Variants in IL1RAPL2 observed in about 807,000 individuals in gnomAD.
IL1RAPL2 encodes the protein X-linked interleukin-1 receptor accessory protein-like 2.
A neutral mutation model predicts 44.1 loss-of-function variants in IL1RAPL2; 3 were observed. The ratio of observed to expected loss-of-function variants is 0.07; its 90% CI spans 0.03 to 0.18. IL1RAPL2 has a LOEUF of 0.18. IL1RAPL2 is among the 10% of genes least tolerant of loss of function. The probability of loss-of-function intolerance (pLI) is 1.00; values close to 1 mark genes in which losing one functional copy is unlikely to be tolerated. For synonymous variants in IL1RAPL2, 181 were observed against 178.8 expected, an observed-to-expected ratio of 1.01 and a Z score of -0.10; for missense variants, 391 against 496.4, an observed-to-expected ratio of 0.79 and a Z score of 2.02.
intron 7 of IL1RAPL2, among the ~76,000 whole-genome samples, chrX:105,732,315 A>G (rs1056327491): frequency 8.1e-5 from 9 of 110,645 alleles, no homozygotes; most frequent in Admixed American, 2.9e-4. Flanking sequence ...TGTAATCCCC[A>G]TTGTTGGAGG....
At chrX:104,730,269 A>T (rs932201399) in intron 2 of IL1RAPL2, among the ~76,000 whole-genome samples, 6 of 108,407 alleles carry the variant, frequency 5.5e-5, no homozygotes, top group African/African-American at 1.7e-4. Context: ...CATGTGCACA[A>T]TGTGCAGGTT....
At chrX:105,378,003 A>C (rs2035401093) in intron 5 of IL1RAPL2, among the ~76,000 whole-genome samples, 1 of 111,960 alleles carries the variant, frequency 8.9e-6, no homozygotes, top group African/African-American at 3.2e-5. Flanking sequence ...TTTCTCTATA[A>C]CAAGGCCATT....
At chrX:104,732,548 A>T (rs1481135207) in intron 2 of IL1RAPL2, among the ~76,000 whole-genome samples, 1 of 111,872 alleles carries the variant, frequency 8.9e-6, no homozygotes, top group Non-Finnish European at 1.9e-5. Flanking sequence ...TCATGCAAAA[A>T]TAAAATATAT....
At chrX:104,691,156 T>C (rs1931085441) in intron 2 of IL1RAPL2, among the ~76,000 whole-genome samples, 1 of 112,445 alleles carries the variant, frequency 8.9e-6, no homozygotes, top group South Asian at 3.7e-4. Flanking sequence ...GGCTAAAGAA[T>C]GGAATCAACC....
intron 2 of IL1RAPL2, among the ~76,000 whole-genome samples, chrX:104,983,403 GATAC>G (rs1226698374): frequency 2.2e-5 from 2 of 89,354 alleles, no homozygotes; most frequent in African/African-American, 8.8e-5. Context: ...TATAATATTA[GATAC>G]ATAATATAAT....
chrX:105,226,274 T>G (rs2034013239), intron 3 of IL1RAPL2, among the ~76,000 whole-genome samples: 1 of 110,774 alleles, frequency 9.0e-6, no homozygotes, highest in African/African-American at 3.3e-5. Context: ...TGTTTATTAT[T>G]TCTGACCTAG....
chrX:105,651,101 C>A (rs1336351089), intron 6 of IL1RAPL2, among the ~76,000 whole-genome samples: 1 of 111,559 alleles, frequency 9.0e-6, no homozygotes, highest in East Asian at 2.8e-4. Flanking sequence ...TGAAAGACAG[C>A]AAGGCTGTTT....
intron 2 of IL1RAPL2, among the ~76,000 whole-genome samples, chrX:104,799,865 ATAT>A (rs1260697138): frequency 1.8e-5 from 2 of 111,350 alleles, no homozygotes; most frequent in Non-Finnish European, 3.8e-5. Context: ...TTGGAAATAT[ATAT>A]TATTATTAAC....
chrX:105,158,358 C>CAA (rs764577921), intron 2 of IL1RAPL2, among the ~76,000 whole-genome samples: 1 of 99,192 alleles, frequency 1.0e-5, no homozygotes, highest in Admixed American at 1.1e-4. Flanking sequence ...GACTCCGTCT[C>CAA]AAAAAAAAAA....
chrX:105,264,720 G>T (rs2034388542), intron 4 of IL1RAPL2, among the ~76,000 whole-genome samples: 2 of 111,979 alleles, frequency 1.8e-5, no homozygotes, highest in Non-Finnish European at 3.8e-5. Context: ...TGCTCACATG[G>T]TAGTGAATAT....
At chrX:104,635,827 C>T (rs1602655301) in intron 1 of IL1RAPL2, among the ~76,000 whole-genome samples, 1 of 111,883 alleles carries the variant, frequency 8.9e-6, no homozygotes, top group Non-Finnish European at 1.9e-5. Context: ...TCGTCTGAAG[C>T]CTTCTTCTCT....
chrX:104,733,122 T>G (rs1156280835), intron 2 of IL1RAPL2, among the ~76,000 whole-genome samples: 1 of 111,485 alleles, frequency 9.0e-6, no homozygotes, highest in African/African-American at 3.3e-5. Flanking sequence ...ACAAAAAACT[T>G]TTAAAATTAG....
At chrX:105,672,482 C>A (rs1569464023) in intron 6 of IL1RAPL2, among the ~76,000 whole-genome samples, 1 of 112,161 alleles carries the variant, frequency 8.9e-6, no homozygotes, top group African/African-American at 3.2e-5. Context: ...TATTACTTGG[C>A]AATTGTGAAA....
At chrX:104,778,717 T>G (rs1202787807) in intron 2 of IL1RAPL2, among the ~76,000 whole-genome samples, 2 of 108,917 alleles carry the variant, frequency 1.8e-5, no homozygotes, top group African/African-American at 6.6e-5. Context: ...TTATTTGAGA[T>G]ATATATATAA....
chrX:105,482,223 C>T (rs963521313), intron 5 of IL1RAPL2, among the ~76,000 whole-genome samples: 4 of 111,954 alleles, frequency 3.6e-5, no homozygotes, highest in African/African-American at 6.5e-5. Flanking sequence ...CAATATTTTA[C>T]TATTACAAAT....
chrX:104,854,791 T>G (rs1328296377), intron 2 of IL1RAPL2, among the ~76,000 whole-genome samples: 1 of 111,640 alleles, frequency 9.0e-6, no homozygotes, highest in Non-Finnish European at 1.9e-5. Context: ...AACTGAGAAT[T>G]AATGCCAAAG....
chrX:104,635,860 G>A (rs192358849), intron 1 of IL1RAPL2, among the ~76,000 whole-genome samples: 413 of 111,989 alleles, frequency 3.7e-3, no homozygotes, highest in African/African-American at 0.012. Flanking sequence ...GTCATTCTCC[G>A]TCCAGCTTTG....
intron 2 of IL1RAPL2, among the ~76,000 whole-genome samples, chrX:105,172,179 A>T (rs962254398): frequency 8.0e-5 from 9 of 112,507 alleles, no homozygotes; most frequent in African/African-American, 2.9e-4. Flanking sequence ...TCCTGAATGG[A>T]TGAGGAGAGG....
intron 2 of IL1RAPL2, among the ~76,000 whole-genome samples, chrX:105,064,943 C>T (rs1034632723): frequency 8.9e-6 from 1 of 111,875 alleles, no homozygotes; most frequent in Admixed American, 9.5e-5. Flanking sequence ...GGATCAAGAT[C>T]GGTTCCCTTT....
Sources: allele counts gnomAD v4.1 joint callset (sites outside exome capture counted in the v4.1 genomes callset), GRCh38; gene constraint gnomAD v4.1.1; transcripts MANE v1.5; gene names NCBI Gene and HGNC (gene_info 2026-07-23, HGNC 2026-07-21).